Variants in CCDC148 observed in about 807,000 individuals in gnomAD.
CCDC148 encodes coiled-coil domain-containing protein 148.
A neutral mutation model predicts 85.7 loss-of-function variants in CCDC148; 89 were observed. That is an observed-to-expected ratio of 1.04 (90% CI 0.87 to 1.24). The LOEUF (loss-of-function observed/expected upper bound fraction) is 1.24, where lower values mean the gene tolerates loss of function less well. Among genes scored for constraint, CCDC148 ranks in the 50% most tolerant of loss-of-function variants. The pLI is 0.00. For missense variants in CCDC148, 692 were observed against 671.7 expected, an observed-to-expected ratio of 1.03 and a Z score of -0.33; for synonymous variants, 230 against 213.9, an observed-to-expected ratio of 1.08 and a Z score of -0.66.
At chr2:158,420,414 G>C (rs1686717349) in intron 1 of CCDC148, among the ~76,000 whole-genome samples, 1 of 152,204 alleles carries the variant, frequency 6.6e-6, no homozygotes, top group African/African-American at 2.4e-5. Flanking sequence ...CAAGCCAGAA[G>C]AGAGTGGGGG....
intron 1 of CCDC148, among the ~76,000 whole-genome samples, chr2:158,390,764 C>T (rs76664154): frequency 6.6e-6 from 1 of 152,086 alleles, no homozygotes; most frequent in Admixed American, 6.6e-5. Context: ...TTTTGCGCTA[C>T]CTTTTTCGGC....
intron 10 of CCDC148, among the ~76,000 whole-genome samples, chr2:158,242,427 T>C (rs1688387399): frequency 6.6e-6 from 1 of 152,128 alleles, no homozygotes; most frequent in African/African-American, 2.4e-5. Context: ...ATCATACAAA[T>C]GCAAATAGCA....
chr2:158,424,096 G>A (rs1279225384), intron 1 of CCDC148, among the ~76,000 whole-genome samples: 2 of 152,154 alleles, frequency 1.3e-5, no homozygotes, highest in Admixed American at 1.3e-4. Flanking sequence ...TGGAGAAATA[G>A]GAACACTTTT....
At position 158,340,361 on chromosome 2, in the gene CCDC148, G is replaced by A. The variant is rs777369798; in HGVS notation, c.367C>T (p.Leu123Phe). The A allele has an allele frequency of 3.7e-6, 6 of 1,613,852 alleles. No homozygotes were observed. The Admixed American group carries it at 8.3e-5, about 22-fold the overall frequency. The part of the protein sequence containing the change: ...QELSEQQCTY[L>F]KNVINPIQQL... ...TGAATAGGATTTATTACATTTTTAA[G>A]ATATGTGCACTGTTGTTCTGATAGC... Residue 123 changes from leucine (L) to phenylalanine (F), a missense_variant, in exon 5 of 14, where the codon CTT becomes TTT. Leu to Phe is a conservative substitution (Grantham distance 22). Coordinates refer to ENST00000283233, the MANE Select transcript of CCDC148 (RefSeq NM_138803.4).
intron 10 of CCDC148, among the ~76,000 whole-genome samples, chr2:158,224,145 C>T (rs2140023): frequency 6.6e-6 from 1 of 152,026 alleles, no homozygotes; most frequent in African/African-American, 2.4e-5. Flanking sequence ...GAGCTGAAAA[C>T]CAAGGCACGA....
chr2:158,342,685 A>G (rs866326111), intron 3 of CCDC148, among the ~76,000 whole-genome samples: 2 of 152,162 alleles, frequency 1.3e-5, no homozygotes, highest in Admixed American at 6.5e-5. Flanking sequence ...AATCTATACC[A>G]AGGTAGACAC....
intron 1 of CCDC148, among the ~76,000 whole-genome samples, chr2:158,376,403 G>T (rs923941934): frequency 1.3e-5 from 2 of 152,026 alleles, no homozygotes; most frequent in Non-Finnish European, 2.9e-5. Flanking sequence ...GATCAGTTAT[G>T]CAAGGAGTAA....
intron 11 of CCDC148, among the ~76,000 whole-genome samples, chr2:158,200,760 A>G (rs1208968995): frequency 6.6e-6 from 1 of 151,978 alleles, no homozygotes; most frequent in Non-Finnish European, 1.5e-5. Context: ...GTAAAGGCAT[A>G]TTTTTTCCCT....
chr2:158,313,390 C>T (rs1358763823), intron 8 of CCDC148, among the ~76,000 whole-genome samples: 2 of 152,202 alleles, frequency 1.3e-5, no homozygotes, highest in South Asian at 4.1e-4. Context: ...AATGGTGGAG[C>T]AGGCATTTCA....
At chr2:158,283,392 C>T in intron 9 of CCDC148, among the ~76,000 whole-genome samples, 1 of 152,194 alleles carries the variant, frequency 6.6e-6, no homozygotes, top group Non-Finnish European at 1.5e-5. Flanking sequence ...TGACAAAGAG[C>T]TAATATCCAG....
intron 1 of CCDC148, among the ~76,000 whole-genome samples, chr2:158,450,457 T>C (rs10166003): frequency 0.48 from 72,403 of 151,880 alleles, 17,875 homozygotes; most frequent in East Asian, 0.69. Flanking sequence ...CAACCTTCTT[T>C]TACTTTGAGC....
chr2:158,219,017 T>C (rs1157079404), intron 11 of CCDC148, among the ~76,000 whole-genome samples: 1 of 152,160 alleles, frequency 6.6e-6, no homozygotes, highest in Non-Finnish European at 1.5e-5. Context: ...GTCACATGGG[T>C]CACAAAGGAA....
chr2:158,239,007 G>A (rs1688232564), intron 10 of CCDC148, among the ~76,000 whole-genome samples: 1 of 152,074 alleles, frequency 6.6e-6, no homozygotes, highest in African/African-American at 2.4e-5. Flanking sequence ...TAACCCCTAT[G>A]TGCCTCAGTT....
In CCDC148 at chr2:158,250,771, C is replaced by A; in HGVS notation, c.1251+1G>T. ...ATTCGTATTGACAATAGATTTTTTA[C>A]TTTTTTTTTCTTCTCTGCTCTTTGC... On this transcript the variant is annotated splice_donor_variant, in intron 10 of 13. Transcript: ENST00000283233. LOFTEE classifies it high-confidence loss of function. 6.5e-7 allele frequency: 1 copy of A among 1,535,178 alleles called. No individual in the cohort carries two copies. Among genetic ancestry groups the A allele is most frequent in the Non-Finnish European group, 8.7e-7 (1 of 1,143,018 alleles).
At chr2:158,445,005 ACACTAG>A (rs1438106754) in intron 1 of CCDC148, among the ~76,000 whole-genome samples, 1 of 152,120 alleles carries the variant, frequency 6.6e-6, no homozygotes, top group Admixed American at 6.5e-5. Flanking sequence ...GTGTTTATGC[ACACTAG>A]CACAGGAACA....
chr2:158,369,945 T>C (rs925817596), intron 1 of CCDC148, among the ~76,000 whole-genome samples: 1 of 152,216 alleles, frequency 6.6e-6, no homozygotes, highest in Middle Eastern at 3.2e-3. Flanking sequence ...GTTTTGTCTT[T>C]AGTTCTGTTT....
At chr2:158,439,824 T>C (rs1687853920) in intron 1 of CCDC148, among the ~76,000 whole-genome samples, 1 of 152,178 alleles carries the variant, frequency 6.6e-6, no homozygotes, top group African/African-American at 2.4e-5. Context: ...TACAATAAGA[T>C]GCCACTACAC....
At chr2:158,189,139 T>G (rs1177590888) in intron 11 of CCDC148, among the ~76,000 whole-genome samples, 1 of 151,838 alleles carries the variant, frequency 6.6e-6, no homozygotes, top group African/African-American at 2.4e-5. Context: ...TATACATTGT[T>G]GGTAGGAATG....
chr2:158,424,399 G>A (rs950430053), intron 1 of CCDC148, among the ~76,000 whole-genome samples: 1 of 152,148 alleles, frequency 6.6e-6, no homozygotes. Flanking sequence ...AAAAAAGGAT[G>A]AGTTCATGTC....
Sources: gnomAD v4.1 joint callset for allele counts (sites outside exome capture counted in the v4.1 genomes callset) on GRCh38, gnomAD v4.1.1 for gene constraint, MANE v1.5 for transcripts, NCBI Gene and HGNC (gene_info 2026-07-23, HGNC 2026-07-21) for gene names.